The following ZHX3 variants were observed in gnomAD, a reference collection of about 807,000 sequenced individuals.
ZHX3 encodes the protein zinc fingers and homeoboxes 3.
ZHX3 carries 20 observed loss-of-function variants against 64.5 expected under a neutral mutation model. The observed-to-expected ratio is 0.31, with a 90% CI of 0.22 to 0.45. The LOEUF (loss-of-function observed/expected upper bound fraction) is 0.45. Ranked by LOEUF, ZHX3 falls within the 20% of genes least tolerant of loss-of-function variation. The pLI is 1.00. For missense variants in ZHX3, 1,041 were observed against 1,195.8 expected, an observed-to-expected ratio of 0.87 and a Z score of 1.91; for synonymous variants, 423 against 461.6, an observed-to-expected ratio of 0.92 and a Z score of 1.07.
At chr20:41,311,796 C>T (rs934365817) in intron 1 of ZHX3, among the ~76,000 whole-genome samples, 1 of 152,126 alleles carries the variant, frequency 6.6e-6, no homozygotes, top group Admixed American at 6.5e-5. Flanking sequence ...TGGGTTCTCC[C>T]GAAGATTTAG....
chr20:41,303,638 C>G (rs983913942), intron 1 of ZHX3, among the ~76,000 whole-genome samples: 2 of 152,174 alleles, frequency 1.3e-5, no homozygotes, highest in African/African-American at 2.4e-5. Context: ...GAAACAGGCA[C>G]TCCTCCTCTG....
Position 41,204,073 on chromosome 20 carries a change from C to T in ZHX3, c.844G>A (p.Ala282Thr), listed in dbSNP as rs1275718515. Residue 282 changes from alanine to threonine, a missense_variant, in exon 3 of 4, where the codon GCC (alanine) becomes ACC (threonine). By Grantham distance (58) the Ala-to-Thr change is moderately conservative. Coordinates refer to ENST00000683867, the MANE Select transcript of ZHX3 (RefSeq NM_001384317.1). This position sits in a 1 kb window ranked among gnomAD's most constrained non-coding sequence, Gnocchi z 6.6. ...LSLQQQPPVH[A>T]QHHVHQPLPT... The stretch of plus-strand genomic sequence containing the variant: ...AGTGGCTGGTGGACATGGTGTTGGG[C>T]ATGCACTGGGGGCTGCTGCTGGAGG... The T allele has an allele frequency of 1.2e-6, 2 of 1,611,380 alleles. No individual in the cohort carries two copies. Among genetic ancestry groups the T allele is most frequent in the Non-Finnish European group, 8.5e-7 (1 of 1,178,510 alleles).
At chr20:41,221,932 G>T (rs1476056092) in intron 2 of ZHX3, among the ~76,000 whole-genome samples, 2 of 152,232 alleles carry the variant, frequency 1.3e-5, no homozygotes, top group African/African-American at 4.8e-5. Context: ...GCTGTGGTAG[G>T]GGGCAGGGAG....
In ZHX3 at chr20:41,180,024, T is replaced by A. The variant is rs533687858; in HGVS notation, c.*5167A>T. Reference sequence around the variant, plus strand: ...ACTATTCATTAACACATACAGGTGCTCATGTGTGTGTGTGCACGCGCACAT... The same window carrying A: ...ACTATTCATTAACACATACAGGTGCACATGTGTGTGTGTGCACGCGCACAT... On this transcript the variant is annotated 3_prime_UTR_variant, in exon 4 of 4. Transcript: ENST00000683867. 1 of 152,792 alleles carries A rather than the reference T, an allele frequency of 6.5e-6. No homozygotes were observed. Among genetic ancestry groups the A allele is most frequent in the African/African-American group, 2.4e-5 (1 of 41,576 alleles). The allele number at this position is 152,792 out of a possible 1,614,324, so 9.5% of individuals were successfully genotyped here.
chr20:41,202,410 G>A lies in ZHX3; in HGVS notation c.2507C>T (p.Pro836Leu). 2 of 1,614,158 alleles carry A rather than the reference G, an allele frequency of 1.2e-6. No individual in the cohort carries two copies. Among genetic ancestry groups the A allele is most frequent in the Non-Finnish European group, 1.7e-6 (2 of 1,180,010 alleles). Residue 836 changes from proline to leucine, a missense_variant, in exon 3 of 4, where the codon CCA (proline) becomes CTA (leucine). Coordinates refer to ENST00000683867, the MANE Select transcript of ZHX3 (RefSeq NM_001384317.1). This position sits in a 1 kb window ranked among gnomAD's most constrained non-coding sequence, Gnocchi z 7.0. ...WYEDYKRGNF[P>L]PGLLVIAPGN... The stretch of plus-strand genomic sequence containing the variant: ...AGGGGCAATGACCAGTAGCCCTGGT[G>A]GGAAGTTGCCTCGCTTATAGTCTTC...
intron 1 of ZHX3, among the ~76,000 whole-genome samples, chr20:41,300,418 G>A (rs1223239965): frequency 2.0e-5 from 3 of 152,054 alleles, no homozygotes; most frequent in Non-Finnish European, 4.4e-5. Flanking sequence ...ACTATTAAAG[G>A]ATATACAATC....
intron 3 of ZHX3, among the ~76,000 whole-genome samples, chr20:41,191,552 A>C (rs1178116448): frequency 6.6e-6 from 1 of 151,864 alleles, no homozygotes; most frequent in African/African-American, 2.4e-5. Flanking sequence ...GTTCCTTCTG[A>C]GGTGTCATAT....
In ZHX3 at chr20:41,200,345, T is replaced by C. The variant is rs1025745864; in HGVS notation, c.2860+1712A>G. Among the ~76,000 whole-genome samples, 1 of 152,214 alleles carries C rather than the reference T, an allele frequency of 6.6e-6. No homozygotes were observed. The highest frequency in any genetic ancestry group is 1.9e-4 in the East Asian group (1 of 5,200). ...CAAACATCCTCATCTCTCTTGAGCATGACACCCTGGCCTACTGGTATATTA... is the reference window on the plus strand; with the variant it reads ...CAAACATCCTCATCTCTCTTGAGCACGACACCCTGGCCTACTGGTATATTA... On this transcript the variant is annotated intron_variant, in intron 3 of 3. Transcript: ENST00000683867. The surrounding 1 kb of genome is among the most constrained non-coding windows in gnomAD (Gnocchi z 4.2).
At chr20:41,292,820 T>C (rs981860226) in intron 1 of ZHX3, among the ~76,000 whole-genome samples, 1 of 152,262 alleles carries the variant, frequency 6.6e-6, no homozygotes, top group South Asian at 2.1e-4. Flanking sequence ...GTATCTCAGA[T>C]TAATAACTCA....
chr20:41,243,254 C>T (rs2041495521), intron 2 of ZHX3, among the ~76,000 whole-genome samples: 1 of 152,194 alleles, frequency 6.6e-6, no homozygotes, highest in Admixed American at 6.5e-5. Flanking sequence ...GTGCTACCAG[C>T]CCAGCATCAG....
intron 2 of ZHX3, among the ~76,000 whole-genome samples, chr20:41,249,168 A>G (rs2041864656): frequency 6.6e-6 from 1 of 152,182 alleles, no homozygotes. Context: ...AAAATGTTAA[A>G]AACTTTCTTC....
At chr20:41,194,712 C>T (rs2037336367) in intron 3 of ZHX3, among the ~76,000 whole-genome samples, 1 of 152,106 alleles carries the variant, frequency 6.6e-6, no homozygotes, top group Non-Finnish European at 1.5e-5. Flanking sequence ...TGGAATGTTT[C>T]TGATAACAAT....
In ZHX3 at chr20:41,203,340, T is replaced by C; in HGVS notation, c.1577A>G (p.His526Arg). 6.2e-7 allele frequency: 1 copy of C among 1,614,184 alleles called. No individual in the cohort carries two copies. Among genetic ancestry groups the C allele is most frequent in the Non-Finnish European group, 8.5e-7 (1 of 1,180,016 alleles). The change falls in exon 3 of 4, where the codon CAT becomes CGT. Residue 526 changes from histidine to arginine, a missense_variant. His to Arg is a conservative substitution (Grantham distance 29). Coordinates refer to ENST00000683867, the MANE Select transcript of ZHX3 (RefSeq NM_001384317.1). This position sits in a 1 kb window ranked among gnomAD's most constrained non-coding sequence, Gnocchi z 7.1. ...NQFPGQSEVE[H>R]LTKVTGLSTR... ...ACTGAGGCCCGTCACTTTTGTGAGA[T>C]GTTCAACTTCGCTCTGCCCTGGGAA...
intron 2 of ZHX3, among the ~76,000 whole-genome samples, chr20:41,227,398 G>A (rs2040337257): frequency 6.6e-6 from 1 of 152,120 alleles, no homozygotes; most frequent in African/African-American, 2.4e-5. Flanking sequence ...TGGCTGTGAT[G>A]GTGCAAAATA....
Position 41,203,076 on chromosome 20 carries a change from G to T in ZHX3, c.1841C>A (p.Thr614Asn). The T allele has an allele frequency of 6.2e-7, 1 of 1,614,128 alleles. No homozygotes were observed. The highest frequency in any genetic ancestry group is 1.6e-4 in the Middle Eastern group (1 of 6,062). ...SWHQTPDFTP[T>N]KYKERAPEQL... The stretch of plus-strand genomic sequence containing the variant: ...CTCAGGGGCTCTCTCCTTGTATTTG[G>T]TTGGTGTGAAGTCAGGAGTCTGGTG... The change falls in exon 3 of 4, where the codon ACC becomes AAC. Residue 614 changes from threonine (T) to asparagine (N), a missense_variant. By Grantham distance (65) the Thr-to-Asn change is moderately conservative. Around this residue, in one of 4 missense-constraint regions of ZHX3, gnomAD observed 649 missense variants for 739.8 expected, o/e 0.88. Transcript: ENST00000683867. This position sits in a 1 kb window ranked among gnomAD's most constrained non-coding sequence, Gnocchi z 7.1.
intron 2 of ZHX3, among the ~76,000 whole-genome samples, chr20:41,234,557 A>T (rs568798903): frequency 6.6e-6 from 1 of 152,378 alleles, no homozygotes; most frequent in East Asian, 1.9e-4. Context: ...TGTCAAAGTG[A>T]AAAACAACTA....
intron 1 of ZHX3, among the ~76,000 whole-genome samples, chr20:41,310,411 C>G (rs745677430): frequency 2.0e-5 from 3 of 152,182 alleles, no homozygotes; most frequent in Non-Finnish European, 4.4e-5. Flanking sequence ...ATAACCACCA[C>G]CAGACTTGGC....
At chr20:41,250,290 C>G (rs754205785) in intron 2 of ZHX3, among the ~76,000 whole-genome samples, 2 of 152,162 alleles carry the variant, frequency 1.3e-5, no homozygotes, top group Admixed American at 6.5e-5. Flanking sequence ...AATCCCAGCT[C>G]ACATGCTGCA....
chr20:41,185,503 T>A lies in ZHX3; in HGVS notation c.2861-302A>T, dbSNP rs1267917131. The A allele has an allele frequency of 1.9e-6, 1 of 518,208 alleles. No homozygotes were observed. The highest frequency in any genetic ancestry group is 3.1e-5 in the East Asian group (1 of 32,572). The allele number at this position is 518,208 out of a possible 1,614,324, so 32.1% of individuals were successfully genotyped here. A position where few individuals can be genotyped will look rare whatever the true frequency, so the allele number is the denominator to read the frequency against. ...TCCAGGCCCACTAAATCCCCCTAGC[T>A]CCCCAGGCTTCCGCCACCACCGTCT... is the stretch of plus-strand genomic sequence containing the variant. On this transcript the variant is annotated intron_variant, in intron 3 of 3. Coordinates refer to ENST00000683867, the MANE Select transcript of ZHX3 (RefSeq NM_001384317.1). This position sits in a 1 kb window ranked among gnomAD's most constrained non-coding sequence, Gnocchi z 5.0.
Sources: allele counts gnomAD v4.1 joint callset (sites outside exome capture counted in the v4.1 genomes callset), GRCh38; gene constraint gnomAD v4.1.1; regional missense constraint gnomAD v4.1.1; non-coding constraint Gnocchi (gnomAD v3.1); transcripts MANE v1.5; gene names NCBI Gene and HGNC (gene_info 2026-07-23, HGNC 2026-07-21).